DOCK7: variants seen among roughly 807,000 people sequenced by gnomAD.
DOCK7 encodes dedicator of cytokinesis protein 7.
In DOCK7, 138 loss-of-function variants were observed where a neutral mutation model predicts 271.0. The observed-to-expected ratio is 0.51, with a 90% confidence interval of 0.44 to 0.59. The LOEUF is 0.59. Among genes scored for constraint, DOCK7 ranks in the 20% least tolerant of loss-of-function variants. The pLI is 0.00. For missense variants in DOCK7, 2,066 were observed against 2,592.4 expected (o/e 0.80, Z 4.41); for synonymous variants, 823 against 876.1 (o/e 0.94, Z 1.07).
At chr1:62,489,378 G>A (rs912382134) in intron 41 of DOCK7, among the ~76,000 whole-genome samples, 1 of 152,166 alleles carries the variant, frequency 6.6e-6, no homozygotes, top group Non-Finnish European at 1.5e-5. Context: ...GAACATGGGA[G>A]GCGGAGTGTG....
intron 1 of DOCK7, among the ~76,000 whole-genome samples, chr1:62,678,952 G>A (rs1660820013): frequency 6.6e-6 from 1 of 151,996 alleles, no homozygotes; most frequent in South Asian, 2.1e-4. Flanking sequence ...CATTTACCCT[G>A]ATGTGATTCT....
rs920967767 is a variant in DOCK7 at position 62,578,714 on chromosome 1, T to C, written c.2010+114A>G. ...TCCAGCCTGGGAGACAGAGACTCTGTCTCAAAAAAAAAAAAAAAAAAAAAA... is the reference window on the plus strand; with the variant it reads ...TCCAGCCTGGGAGACAGAGACTCTGCCTCAAAAAAAAAAAAAAAAAAAAAA... On this transcript the variant is annotated intron_variant, in intron 17 of 49. Transcript: ENST00000635253. 7 of 693,886 alleles carry C rather than the reference T, an allele frequency of 1.0e-5. No homozygotes were observed. In the East Asian group the frequency reaches 2.4e-4, roughly 24 times the overall value. The allele number at this position is 693,886 out of a possible 1,614,324, so 43.0% of individuals were successfully genotyped here. A position where few individuals can be genotyped will look rare whatever the true frequency, so the allele number is the denominator to read the frequency against.
chr1:62,523,123 A>G (rs1006121940), intron 31 of DOCK7, among the ~76,000 whole-genome samples: 1 of 152,190 alleles, frequency 6.6e-6, no homozygotes, highest in African/African-American at 2.4e-5. Flanking sequence ...ATTCAATACA[A>G]TCTTAACTAA....
chr1:62,554,299 C>T (rs1199297659), intron 21 of DOCK7, among the ~76,000 whole-genome samples: 2 of 151,648 alleles, frequency 1.3e-5, no homozygotes, highest in Non-Finnish European at 2.9e-5. Context: ...AGTGAAACCC[C>T]GTCTCTACTA....
chr1:62,645,848 C>CA (rs1218346647), intron 7 of DOCK7, among the ~76,000 whole-genome samples: 1 of 152,006 alleles, frequency 6.6e-6, no homozygotes, highest in African/African-American at 2.4e-5. Context: ...TTCAGTCATA[C>CA]AAAAAAATAA....
chr1:62,664,304 T>C (rs2149720395), intron 1 of DOCK7, among the ~76,000 whole-genome samples: 1 of 152,298 alleles, frequency 6.6e-6, no homozygotes, highest in Middle Eastern at 3.4e-3. Flanking sequence ...GAGAGAAAAC[T>C]GAATCATGGG....
intron 3 of DOCK7, 25 bp from the exon 4 acceptor site, chr1:62,653,818 T>C: frequency 6.5e-7 from 1 of 1,534,814 alleles, no homozygotes; most frequent in Non-Finnish European, 9.0e-7. Flanking sequence ...AAAATACATT[T>C]GTAATTTAGA....
intron 14 of DOCK7, among the ~76,000 whole-genome samples, chr1:62,616,002 A>G (rs1652389847): frequency 6.6e-6 from 1 of 151,768 alleles, no homozygotes; most frequent in Non-Finnish European, 1.5e-5. Context: ...CACCCTAAAA[A>G]CCAAAAGCAA....
chr1:62,681,344 T>C (rs540219493), intron 1 of DOCK7, among the ~76,000 whole-genome samples: 312 of 135,984 alleles, frequency 2.3e-3, no homozygotes, highest in Non-Finnish European at 3.7e-3. Flanking sequence ...ATGAGAACAT[T>C]TGGACACTGG....
At chr1:62,622,701 C>T (rs1001111867) in intron 12 of DOCK7, among the ~76,000 whole-genome samples, 1 of 152,142 alleles carries the variant, frequency 6.6e-6, no homozygotes, top group African/African-American at 2.4e-5. Context: ...GAGGCTGAGA[C>T]GGACGGATCA....
At chr1:62,460,683 G>T (rs990688427) in intron 48 of DOCK7, among the ~76,000 whole-genome samples, 36 of 151,540 alleles carry the variant, frequency 2.4e-4, no homozygotes, top group African/African-American at 8.7e-4. Context: ...TTGAGACAGG[G>T]TCTTGCTCTT....
intron 31 of DOCK7, among the ~76,000 whole-genome samples, chr1:62,522,853 A>G (rs1384098207): frequency 6.6e-6 from 1 of 152,106 alleles, no homozygotes. Flanking sequence ...AATTTTTTTG[A>G]TAATGAGTAT....
At chr1:62,625,485 T>C in intron 11 of DOCK7, 84 bp from the exon 12 acceptor site, 1 of 1,372,604 alleles carries the variant, frequency 7.3e-7, no homozygotes, top group Non-Finnish European at 9.9e-7. Flanking sequence ...AGGAAGAATC[T>C]ACTAAATTGA....
At chr1:62,510,918 T>C (rs1644464087) in intron 33 of DOCK7, 1 of 389,118 alleles carries the variant, frequency 2.6e-6, no homozygotes, top group Non-Finnish European at 4.6e-6. Context: ...TAAGCAAATG[T>C]TCTAACATTG....
In DOCK7 at chr1:62,596,634, C is replaced by T. The variant is rs558720437; in HGVS notation, c.1683-10010G>A. Among the ~76,000 whole-genome samples, 9 of 152,062 alleles carry T rather than the reference C, an allele frequency of 5.9e-5. No homozygotes were observed. The South Asian group carries it at 1.7e-3, about 28-fold the overall frequency. ...GACCAGCATGGGCAATACATTAAGA[C>T]ATCATCTTTAAAAAAAAAATGTTAT... On this transcript the variant is annotated intron_variant, in intron 14 of 49. Transcript: ENST00000635253.
intron 15 of DOCK7, chr1:62,584,571 CTTGT>C (rs1436694924): frequency 7.5e-6 from 9 of 1,195,320 alleles, no homozygotes; most frequent in African/African-American, 4.8e-5. Context: ...CACAAAATAA[CTTGT>C]TTATTTTCAT....
intron 18 of DOCK7, among the ~76,000 whole-genome samples, chr1:62,568,202 T>C (rs769634770): frequency 1.3e-5 from 2 of 151,872 alleles, no homozygotes; most frequent in Non-Finnish European, 2.9e-5. Context: ...TTGAAACCAA[T>C]GAGAACAAAA....
chr1:62,511,882 G>A (rs534143504), intron 33 of DOCK7, among the ~76,000 whole-genome samples: 1 of 152,088 alleles, frequency 6.6e-6, no homozygotes, highest in South Asian at 2.1e-4. Context: ...TGAAAGTTAA[G>A]AAAAAGAAAA....
chr1:62,485,770 T>C, intron 43 of DOCK7: 2 of 892,850 alleles, frequency 2.2e-6, no homozygotes, highest in Non-Finnish European at 2.7e-6. Flanking sequence ...AAGCAGCAAA[T>C]GGTAGAAAAC....
Sources: allele counts gnomAD v4.1 joint callset (sites outside exome capture counted in the v4.1 genomes callset), GRCh38; gene constraint gnomAD v4.1.1; transcripts MANE v1.5; gene names NCBI Gene and HGNC (gene_info 2026-07-23, HGNC 2026-07-21).